The following MICU2 variants were observed in gnomAD, a reference collection of about 807,000 sequenced individuals.
MICU2 encodes the protein calcium uptake protein 2, mitochondrial.
Under a neutral mutation model 60.4 loss-of-function variants are expected in MICU2, and 64 were observed. The observed-to-expected ratio is 1.06, with a 90% CI of 0.87 to 1.31. The LOEUF (loss-of-function observed/expected upper bound fraction) is 1.31. MICU2 is among the 50% of genes most tolerant of loss of function. The pLI is 0.00. For synonymous variants in MICU2, 201 were observed against 175.0 expected, an observed-to-expected ratio of 1.15 and a Z score of -1.17; for missense variants, 569 against 531.0, an observed-to-expected ratio of 1.07 and a Z score of -0.70.
At chr13:21,600,407 T>A (rs1888787744) in intron 1 of MICU2, among the ~76,000 whole-genome samples, 1 of 152,176 alleles carries the variant, frequency 6.6e-6, no homozygotes. Flanking sequence ...AAACCAAGAC[T>A]TTGTGAAATA....
chr13:21,547,717 G>A (rs9509788), intron 2 of MICU2, among the ~76,000 whole-genome samples: 20,201 of 146,706 alleles, frequency 0.14, 1,472 homozygotes, highest in Middle Eastern at 0.2. Flanking sequence ...ATGATGTCAA[G>A]TAAGACAGAC....
At position 21,602,230 on chromosome 13, in the gene MICU2, C is replaced by A. The variant is rs555914841; in HGVS notation, c.210+1709G>T. Among the ~76,000 whole-genome samples, 4 of 149,992 alleles carry A rather than the reference C, an allele frequency of 2.7e-5. No individual in the cohort carries two copies. In the East Asian group the frequency reaches 8.1e-4, roughly 30 times the overall value. On this transcript the variant is annotated intron_variant, in intron 1 of 11. Transcript: ENST00000382374. ...AAGATTAACCTAAGGGTCTTAAAAACAGGATGAATCGGCCGGGCGCAGTGG... is the reference window on the plus strand; with the variant it reads ...AAGATTAACCTAAGGGTCTTAAAAAAAGGATGAATCGGCCGGGCGCAGTGG...
At chr13:21,508,645 C>T (rs1166675722) in intron 8 of MICU2, among the ~76,000 whole-genome samples, 1 of 152,184 alleles carries the variant, frequency 6.6e-6, no homozygotes, top group African/African-American at 2.4e-5. Flanking sequence ...CCATTCTCCT[C>T]ACCTTATGCT....
intron 2 of MICU2, among the ~76,000 whole-genome samples, chr13:21,546,531 C>T (rs1887423794): frequency 6.6e-6 from 1 of 152,060 alleles, no homozygotes; most frequent in African/African-American, 2.4e-5. Flanking sequence ...TACACACATG[C>T]TATGTGTAAG....
intron 1 of MICU2, among the ~76,000 whole-genome samples, chr13:21,574,317 T>C (rs188800694): frequency 6.6e-6 from 1 of 152,282 alleles, no homozygotes; most frequent in Admixed American, 6.5e-5. Flanking sequence ...ATGCTGGGAT[T>C]TGGGGCTATA....
At chr13:21,531,335 C>T (rs1269158562) in intron 4 of MICU2, 14 of 1,534,800 alleles carry the variant, frequency 9.1e-6, no homozygotes, top group Middle Eastern at 2.3e-4. Flanking sequence ...AACACCAACC[C>T]GAAAAACTTG....
chr13:21,600,886 T>G (rs1007192609), intron 1 of MICU2, among the ~76,000 whole-genome samples: 2 of 152,104 alleles, frequency 1.3e-5, no homozygotes, highest in Non-Finnish European at 2.9e-5. Context: ...AAGCTCCGCC[T>G]CCCAGATTCA....
intron 2 of MICU2, among the ~76,000 whole-genome samples, chr13:21,559,409 A>C (rs1229381439): frequency 6.6e-6 from 1 of 152,228 alleles, no homozygotes; most frequent in Non-Finnish European, 1.5e-5. Flanking sequence ...AGGGGCAAAT[A>C]TTCCTGTTGC....
At chr13:21,579,745 CTGAAA>C (rs769407958) in intron 1 of MICU2, among the ~76,000 whole-genome samples, 1 of 151,942 alleles carries the variant, frequency 6.6e-6, no homozygotes, top group Non-Finnish European at 1.5e-5. Context: ...CTTATTCTTT[CTGAAA>C]TATTTTGTAA....
intron 1 of MICU2, among the ~76,000 whole-genome samples, chr13:21,592,791 A>G (rs1042226998): frequency 6.6e-6 from 1 of 152,238 alleles, no homozygotes; most frequent in African/African-American, 2.4e-5. Context: ...TAGATACAGA[A>G]AAGGCCTTTG....
intron 6 of MICU2, among the ~76,000 whole-genome samples, chr13:21,518,505 T>TG (rs1173789379): frequency 1.3e-5 from 2 of 152,218 alleles, no homozygotes; most frequent in African/African-American, 4.8e-5. Flanking sequence ...CCAGCTTTAC[T>TG]ATTCTTGGAT....
chr13:21,558,317 C>T (rs1887759160), intron 2 of MICU2, among the ~76,000 whole-genome samples: 1 of 152,182 alleles, frequency 6.6e-6, no homozygotes, highest in Non-Finnish European at 1.5e-5. Context: ...AGATGTTAAG[C>T]TCCACTAATT....
chr13:21,539,771 G>A, intron 2 of MICU2, 83 bp from the exon 3 acceptor site: 1 of 1,257,164 alleles, frequency 8.0e-7, no homozygotes, highest in Non-Finnish European at 1.1e-6. Context: ...TTATTTAAAA[G>A]ACAAAACAAA....
intron 1 of MICU2, among the ~76,000 whole-genome samples, chr13:21,573,737 TAA>T (rs34785024): frequency 2.1e-5 from 3 of 142,324 alleles, no homozygotes; most frequent in Non-Finnish European, 3.1e-5. Flanking sequence ...AGTTAATAAT[TAA>T]AAAAAAAAAA....
intron 2 of MICU2, among the ~76,000 whole-genome samples, chr13:21,565,481 CACCG>C (rs1223785909): frequency 1.3e-5 from 2 of 152,168 alleles, no homozygotes; most frequent in Non-Finnish European, 2.9e-5. Flanking sequence ...CACAGTGAAA[CACCG>C]TCTCTATTAA....
intron 6 of MICU2, among the ~76,000 whole-genome samples, chr13:21,517,826 A>G (rs1309935144): frequency 2.0e-5 from 3 of 151,294 alleles, no homozygotes; most frequent in Non-Finnish European, 4.4e-5. Context: ...CACGCGCTAC[A>G]TACTTAGGTT....
intron 8 of MICU2, among the ~76,000 whole-genome samples, chr13:21,506,131 T>A (rs1886286902): frequency 1.3e-5 from 2 of 151,770 alleles, no homozygotes; most frequent in Admixed American, 1.3e-4. Context: ...GCTCTGGTGA[T>A]CCTCCCTACC....
rs1312113324 is a variant in MICU2 at position 21,604,120 on chromosome 13, C to T, written c.29G>A (p.Arg10Gln). 3 of 1,574,352 alleles carry T rather than the reference C, an allele frequency of 1.9e-6. No homozygotes were observed. The highest frequency in any genetic ancestry group is 2.4e-5 in the East Asian group (1 of 42,266). ...CAGTTTTCCGCCCCAGGCCGCCACC[C>T]GCGCGCAGCTACCCGCAGCCGCCGC... is the stretch of plus-strand genomic sequence containing the variant. MAAAAGSCA[R>Q]VAAWGGKLRR... The change falls in exon 1 of 12, where the codon CGG (arginine) becomes CAG (glutamine). Residue 10 changes from arginine to glutamine, a missense_variant. By Grantham distance (43) the Arg-to-Gln change is conservative. Coordinates refer to ENST00000382374, the MANE Select transcript of MICU2 (RefSeq NM_152726.3).
At chr13:21,569,270 T>C (rs1888053577) in intron 1 of MICU2, among the ~76,000 whole-genome samples, 3 of 152,218 alleles carry the variant, frequency 2.0e-5, no homozygotes, top group African/African-American at 7.2e-5. Context: ...TTAATTTTGG[T>C]ATGGTAGCTT....
Sources: allele counts gnomAD v4.1 joint callset (sites outside exome capture counted in the v4.1 genomes callset), GRCh38; gene constraint gnomAD v4.1.1; transcripts MANE v1.5; gene names NCBI Gene and HGNC (gene_info 2026-07-23, HGNC 2026-07-21).